MYO6: variants seen among roughly 807,000 people sequenced by gnomAD.
The protein encoded by MYO6 is myosin VI, also known as unconventional myosin-VI.
In MYO6, 74 loss-of-function variants were observed where a neutral mutation model predicts 178.7. The ratio of observed to expected loss-of-function variants is 0.41; its 90% CI spans 0.34 to 0.50. The LOEUF (loss-of-function observed/expected upper bound fraction) is 0.50. Ranked by LOEUF, MYO6 falls within the 20% of genes least tolerant of loss-of-function variation. The pLI is 0.09. For missense variants in MYO6, 1,330 were observed against 1,547.4 expected (o/e 0.86, Z 2.36); for synonymous variants, 477 against 504.6 (o/e 0.95, Z 0.73).
chr6:75,772,111 T>G (rs1207280391), intron 1 of MYO6, among the ~76,000 whole-genome samples: 1 of 152,196 alleles, frequency 6.6e-6, no homozygotes. Context: ...CTTTTCTGTT[T>G]CTGGCCTACC....
At chr6:75,784,554 A>G (rs985083104) in intron 1 of MYO6, among the ~76,000 whole-genome samples, 14 of 151,726 alleles carry the variant, frequency 9.2e-5, no homozygotes, top group Non-Finnish European at 1.3e-4. Context: ...TGGGCAGATC[A>G]CTAGGTCAGG....
intron 30 of MYO6, among the ~76,000 whole-genome samples, chr6:75,899,737 A>T (rs1197365971): frequency 2.0e-5 from 3 of 151,652 alleles, no homozygotes; most frequent in African/African-American, 7.3e-5. Flanking sequence ...CATTTTTTTA[A>T]AAAAATTATT....
chr6:75,889,974 A>G (rs1778773715), intron 25 of MYO6, 83 bp from the exon 26 acceptor site: 1 of 1,007,068 alleles, frequency 9.9e-7, no homozygotes, highest in Non-Finnish European at 1.5e-6. Context: ...TCAGTTTATA[A>G]TTCAGTATTG....
At chr6:75,757,164 G>A (rs62635971) in intron 1 of MYO6, among the ~76,000 whole-genome samples, 2 of 145,966 alleles carry the variant, frequency 1.4e-5, no homozygotes, top group Non-Finnish European at 3.0e-5. Flanking sequence ...GTGTGTGTAT[G>A]TATATACACA....
chr6:75,766,666 T>C (rs1778446002), intron 1 of MYO6, among the ~76,000 whole-genome samples: 1 of 152,208 alleles, frequency 6.6e-6, no homozygotes, highest in South Asian at 2.1e-4. Flanking sequence ...AGCATTGCTC[T>C]ATAATGTGAT....
intron 20 of MYO6, among the ~76,000 whole-genome samples, chr6:75,874,975 C>T (rs1383817732): frequency 6.6e-6 from 1 of 152,198 alleles, no homozygotes; most frequent in African/African-American, 2.4e-5. Context: ...TTAACATATC[C>T]TTTTCTTGGT....
chr6:75,867,872 A>G (rs1304374191), intron 18 of MYO6, among the ~76,000 whole-genome samples: 2 of 151,938 alleles, frequency 1.3e-5, no homozygotes, highest in Admixed American at 6.6e-5. Flanking sequence ...AGGAGTGTAG[A>G]AAAAAAATGT....
chr6:75,777,985 A>G (rs1442408284), intron 1 of MYO6, among the ~76,000 whole-genome samples: 1 of 152,140 alleles, frequency 6.6e-6, no homozygotes, highest in Non-Finnish European at 1.5e-5. Flanking sequence ...ATAATGGCCA[A>G]GGTATAAGAC....
At chr6:75,811,188 G>C (rs989225628) in intron 1 of MYO6, among the ~76,000 whole-genome samples, 1 of 152,104 alleles carries the variant, frequency 6.6e-6, no homozygotes, top group Non-Finnish European at 1.5e-5. Flanking sequence ...ATCTCTCTCA[G>C]AAAACTTTCA....
rs748604595 is a variant in MYO6, at chr6:75,873,224, T to C, written c.2001T>C (p.Arg667=). The C allele has an allele frequency of 1.2e-6, 2 of 1,614,038 alleles. No individual in the cohort carries two copies. The highest frequency in any genetic ancestry group is 4.5e-5 in the East Asian group (2 of 44,864). The part of the protein sequence containing the change: ...KLRSTGASFI[R]CIKPNLKMTS... Reference sequence around the variant, plus strand: ...TTTCCTAGGGAGCAAGCTTTATTCGTTGCATCAAACCTAACTTAAAGATGA... The same window carrying C: ...TTTCCTAGGGAGCAAGCTTTATTCGCTGCATCAAACCTAACTTAAAGATGA... The change falls in exon 20 of 35, where the codon CGT becomes CGC. Residue 667 remains arginine, a synonymous_variant. Coordinates refer to ENST00000369977, the MANE Select transcript of MYO6 (RefSeq NM_004999.4).
At chr6:75,749,871 C>T (rs1776700294) in intron 1 of MYO6, among the ~76,000 whole-genome samples, 1 of 152,148 alleles carries the variant, frequency 6.6e-6, no homozygotes, top group South Asian at 2.1e-4. Flanking sequence ...TCGAGACTTT[C>T]TAAAGCCTTA....
At chr6:75,788,383 C>T (rs565478846) in intron 1 of MYO6, among the ~76,000 whole-genome samples, 125 of 152,180 alleles carry the variant, frequency 8.2e-4, no homozygotes, top group African/African-American at 2.9e-3. Context: ...AAAAGTCATT[C>T]CAGAACCACG....
intron 1 of MYO6, among the ~76,000 whole-genome samples, chr6:75,810,565 A>G (rs1770598799): frequency 1.3e-5 from 2 of 152,194 alleles, no homozygotes; most frequent in African/African-American, 4.8e-5. Flanking sequence ...CTGGGAATTC[A>G]GTTTTTCAAG....
At position 75,870,684 on chromosome 6, in the gene MYO6, C is replaced by T; in HGVS notation, c.1982C>T (p.Thr661Ile). The T allele has an allele frequency of 1.2e-6, 2 of 1,610,926 alleles. No homozygotes were observed. The highest frequency in any genetic ancestry group is 8.5e-7 in the Non-Finnish European group (1 of 1,178,270). Residue 661 changes from threonine (T) to isoleucine (I), a missense_variant and splice_region_variant, in exon 19 of 35, where the codon ACT (threonine) becomes ATT (isoleucine). Thr to Ile is a moderately conservative substitution (Grantham distance 89, BLOSUM62 -1). Coordinates refer to ENST00000369977, the MANE Select transcript of MYO6 (RefSeq NM_004999.4). ...TTGCTTCTGGATAAACTTCGAAGTA[C>T]TGTGAGTATGCTTAAAAAGAAAACA... is the stretch of plus-strand genomic sequence containing the variant. ...LNLLLDKLRS[T>I]GASFIRCIKP...
At position 75,916,896 on chromosome 6, in the gene MYO6, A is replaced by C. The variant is rs562636905; in HGVS notation, c.*1884A>C. 37 of 152,266 alleles carry C rather than the reference A, an allele frequency of 2.4e-4. No homozygotes were observed. Among genetic ancestry groups the C allele is most frequent in the Middle Eastern group, 3.4e-3 (1 of 294 alleles). The allele number at this position is 152,266 out of a possible 1,614,324, so 9.4% of individuals were successfully genotyped here. A position where few individuals can be genotyped will look rare whatever the true frequency, so the allele number is the denominator to read the frequency against. ...GGTTGTTATAAGTCCTTAGTTTTTG[A>C]CTCTAATAGTTAATACAATTATAGT... On this transcript the variant is annotated 3_prime_UTR_variant, in exon 35 of 35. Coordinates refer to ENST00000369977, the MANE Select transcript of MYO6 (RefSeq NM_004999.4).
At chr6:75,838,818 T>A (rs1773914945) in intron 7 of MYO6, among the ~76,000 whole-genome samples, 1 of 151,162 alleles carries the variant, frequency 6.6e-6, no homozygotes, top group Non-Finnish European at 1.5e-5. Flanking sequence ...CCCACCACCA[T>A]GCCTGGCTAA....
intron 9 of MYO6, among the ~76,000 whole-genome samples, chr6:75,841,773 C>G (rs1774252257): frequency 6.6e-6 from 1 of 152,122 alleles, no homozygotes; most frequent in African/African-American, 2.4e-5. Context: ...ATTTTGAAAT[C>G]TACTTGTTGT....
chr6:75,811,312 G>A (rs12175124), intron 1 of MYO6, among the ~76,000 whole-genome samples: 6 of 152,142 alleles, frequency 3.9e-5, no homozygotes, highest in Non-Finnish European at 5.9e-5. Flanking sequence ...TCATATTTTC[G>A]AATTCATGCC....
At chr6:75,877,232 C>T (rs570808772) in intron 20 of MYO6, among the ~76,000 whole-genome samples, 68 of 150,958 alleles carry the variant, frequency 4.5e-4, no homozygotes, top group Middle Eastern at 3.5e-3. Flanking sequence ...CTCGGCCTCC[C>T]AAAGTGCTGG....
Sources: allele counts gnomAD v4.1 joint callset (sites outside exome capture counted in the v4.1 genomes callset), GRCh38; gene constraint gnomAD v4.1.1; transcripts MANE v1.5; gene names NCBI Gene and HGNC (gene_info 2026-07-23, HGNC 2026-07-21).